Variants in COL6A5 observed in about 807,000 individuals in gnomAD.
The protein encoded by COL6A5 is collagen alpha-5(VI) chain.
Under a neutral mutation model 65.6 loss-of-function variants are expected in COL6A5, and 48 were observed. The observed-to-expected ratio is 0.73, with a 90% CI of 0.58 to 0.93. The LOEUF is 0.93. Ranked by LOEUF, COL6A5 falls within the 40% of genes least tolerant of loss-of-function variation. COL6A5 has a pLI of 0.00. For missense variants in COL6A5, 914 were observed against 928.3 expected (o/e 0.98, Z 0.20); for synonymous variants, 291 against 322.8 (o/e 0.90, Z 1.05).
intron 25 of COL6A5, 45 bp downstream of exon 25, chr3:130,418,976 A>G (rs370818660): frequency 4.7e-6 from 7 of 1,493,502 alleles, no homozygotes; most frequent in African/African-American, 4.2e-5. Context: ...CTGGGTATTC[A>G]GTTCCAAGGT....
At chr3:130,376,215 G>A in intron 2 of COL6A5, 22 bp from the exon 3 acceptor site, 1 of 1,539,508 alleles carries the variant, frequency 6.5e-7, no homozygotes, top group South Asian at 1.3e-5. Flanking sequence ...CTTTGTTTTT[G>A]CTTGTTATTT....
At chr3:130,355,156 A>G (rs976424243) in intron 1 of COL6A5, among the ~76,000 whole-genome samples, 2 of 152,098 alleles carry the variant, frequency 1.3e-5, no homozygotes, top group African/African-American at 4.8e-5. Context: ...TTTGTATGGC[A>G]AAAAGAAGAA....
rs10451864 is a variant in COL6A5 at position 130,433,716 on chromosome 3, A to C, written c.487+1767A>C. Reference sequence around the variant, plus strand: ...AGAGTGTCTGTTTCCCCTCATACTTACCCACACTGGATTTTACCTATTGAG... The same window carrying C: ...AGAGTGTCTGTTTCCCCTCATACTTCCCCACACTGGATTTTACCTATTGAG... On this transcript the variant is annotated intron_variant, in intron 1 of 7. Transcript: ENST00000512836. Among the ~76,000 whole-genome samples the C allele has an allele frequency of 7.6e-3, 1,155 of 152,048 alleles. 20 individuals carry two copies. Among genetic ancestry groups the C allele is most frequent in the African/African-American group, 0.027 (1,103 of 41,462 alleles).
At chr3:130,345,915 A>C in exon 1 of COL6A5, 1 of 398,672 alleles carries the variant, frequency 2.5e-6, no homozygotes, top group Non-Finnish European at 4.4e-6. Context: ...AGCTCGGTGC[A>C]GCCTCTTCTG....
intron 17 of COL6A5, among the ~76,000 whole-genome samples, chr3:130,406,756 A>C (rs1295005777): frequency 6.6e-6 from 1 of 151,894 alleles, no homozygotes; most frequent in Non-Finnish European, 1.5e-5. Context: ...TTTTAACTTT[A>C]CATTTATTTC....
chr3:130,408,212 C>T (rs1055165010), intron 17 of COL6A5, among the ~76,000 whole-genome samples: 5 of 147,558 alleles, frequency 3.4e-5, no homozygotes, highest in Admixed American at 7.0e-5. Flanking sequence ...GGAGAAATAT[C>T]GCTGAATTAT....
intron 25 of COL6A5, 73 bp from the exon 26 acceptor site, chr3:130,421,080 G>GT: frequency 7.3e-7 from 1 of 1,372,592 alleles, no homozygotes; most frequent in Non-Finnish European, 1.0e-6. Context: ...TTCTGACACT[G>GT]TAATCTCCCC....
chr3:130,436,630 C>T (rs1432355911), intron 1 of COL6A5, among the ~76,000 whole-genome samples: 1 of 152,178 alleles, frequency 6.6e-6, no homozygotes, highest in African/African-American at 2.4e-5. Flanking sequence ...CTGCAGCTCC[C>T]TGGACTTATT....
chr3:130,409,110 C>T (rs754665628), intron 17 of COL6A5, among the ~76,000 whole-genome samples: 4 of 152,076 alleles, frequency 2.6e-5, no homozygotes, highest in African/African-American at 4.8e-5. Context: ...TGTTAGACCA[C>T]GAGAAGTTTT....
chr3:130,391,195 A>G (rs1011216746), exon 7 of COL6A5: 82 of 1,550,302 alleles, frequency 5.3e-5, no homozygotes, highest in Non-Finnish European at 7.2e-5. Flanking sequence ...AAAGGATTAC[A>G]CTACTAGACG....
upstream of COL6A5, among the ~76,000 whole-genome samples, chr3:130,429,200 T>G (rs543489139): frequency 4.3e-4 from 65 of 152,308 alleles, no homozygotes; most frequent in African/African-American, 1.6e-3. Flanking sequence ...AGCCTTGCAT[T>G]GCTGAATGAC....
At chr3:130,466,597 G>A (rs1709823168) in intron 5 of COL6A5, among the ~76,000 whole-genome samples, 1 of 151,664 alleles carries the variant, frequency 6.6e-6, no homozygotes, top group Admixed American at 6.6e-5. Flanking sequence ...CAAGGTAAGT[G>A]GGAGAAAGAA....
chr3:130,441,366 G>T lies in COL6A5; in HGVS notation c.1241+541G>T, dbSNP rs532145335. ...AGTAATGTCAATGCTGCTGGTTCAT[G>T]GATCACATGGCTCTAGGCCAGTGCA... is the stretch of plus-strand genomic sequence containing the variant. On this transcript the variant is annotated intron_variant, in intron 3 of 7. Transcript: ENST00000512836. 3.3e-5 allele frequency among the ~76,000 whole-genome samples: 5 copies of T among 152,256 alleles called. No individual in the cohort carries two copies. In the South Asian group the frequency reaches 1.0e-3, roughly 32 times the overall value.
At chr3:130,434,638 A>T (rs377378138) in intron 1 of COL6A5, among the ~76,000 whole-genome samples, 1 of 152,142 alleles carries the variant, frequency 6.6e-6, no homozygotes, top group Admixed American at 6.5e-5. Flanking sequence ...TCTGACTGGC[A>T]TGAGATGGTA....
At chr3:130,381,188 A>G (rs1035706824) in intron 4 of COL6A5, among the ~76,000 whole-genome samples, 7 of 152,152 alleles carry the variant, frequency 4.6e-5, no homozygotes, top group Non-Finnish European at 1.0e-4. Flanking sequence ...TGGGGAAGCC[A>G]AGCGCCTAGG....
rs1577412868 is a variant in COL6A5, at chr3:130,347,820, A to C, written c.-29+1839A>C. Among the ~76,000 whole-genome samples the C allele has an allele frequency of 3.3e-5, 5 of 152,302 alleles. No individual in the cohort carries two copies. The East Asian group carries it at 9.7e-4, about 29-fold the overall frequency. ...AGTTTGCTTTGATGATGCCCCTGTC[A>C]ATCTTGTAGGATCTCAGATCCAGTA... On this transcript the variant is annotated intron_variant and NMD_transcript_variant, in intron 1 of 41. Coordinates refer to the COL6A5 transcript ENST00000312481.
At chr3:130,436,560 G>A (rs1709039484) in intron 1 of COL6A5, among the ~76,000 whole-genome samples, 1 of 152,102 alleles carries the variant, frequency 6.6e-6, no homozygotes, top group African/African-American at 2.4e-5. Flanking sequence ...TATTGCTCAT[G>A]TCAAGGTCAA....
chr3:130,450,402 A>C (rs1709405246), intron 4 of COL6A5, among the ~76,000 whole-genome samples: 1 of 152,078 alleles, frequency 6.6e-6, no homozygotes, highest in South Asian at 2.1e-4. Flanking sequence ...TCAACAGTGC[A>C]ATTTTTTCCA....
At chr3:130,484,315 G>C (rs1468746881) in exon 8 of COL6A5, 1 of 491,930 alleles carries the variant, frequency 2.0e-6, no homozygotes, top group Admixed American at 3.7e-5. Flanking sequence ...ACCTATAAGA[G>C]TTAACTTTTC....
Sources: gnomAD v4.1 joint callset for allele counts (sites outside exome capture counted in the v4.1 genomes callset) on GRCh38, gnomAD v4.1.1 for gene constraint, MANE v1.5 for transcripts, NCBI Gene and HGNC (gene_info 2026-07-23, HGNC 2026-07-21) for gene names.